The following VPS50 variants were observed in gnomAD, a reference collection of about 807,000 sequenced individuals.
VPS50 encodes the protein syndetin.
VPS50 carries 70 observed loss-of-function variants against 139.7 expected under a neutral mutation model. The observed-to-expected ratio is 0.50, with a 90% CI of 0.41 to 0.61. The LOEUF is 0.61. VPS50 is among the 20% of genes least tolerant of loss of function. The pLI, the probability that VPS50 is intolerant of heterozygous loss-of-function variation, is 0.00. For synonymous variants in VPS50, 365 were observed against 376.7 expected (o/e 0.97, Z 0.36); for missense variants, 921 against 1,133.7 (o/e 0.81, Z 2.69).
chr7:93,234,775 C>G (rs1476486121), intron 1 of VPS50, among the ~76,000 whole-genome samples: 1 of 151,900 alleles, frequency 6.6e-6, no homozygotes, highest in African/African-American at 2.4e-5. Flanking sequence ...TTTCAGCTGT[C>G]CTGGGATCTT....
At chr7:93,333,924 A>G in intron 21 of VPS50, 193 bp from the exon 22 acceptor site, 1 of 527,582 alleles carries the variant, frequency 1.9e-6, no homozygotes, top group South Asian at 2.2e-5. Flanking sequence ...AAATGCACAC[A>G]GGTAAATGTT....
chr7:93,327,504 G>T (rs897724135), intron 21 of VPS50, among the ~76,000 whole-genome samples: 6 of 152,104 alleles, frequency 3.9e-5, no homozygotes, highest in Admixed American at 3.3e-4. Context: ...GCAAAGTATA[G>T]TTAGGTACTT....
intron 23 of VPS50, among the ~76,000 whole-genome samples, chr7:93,345,494 T>C (rs1456342969): frequency 9.9e-5 from 15 of 152,232 alleles, no homozygotes; most frequent in Admixed American, 7.9e-4. Context: ...AGCATCATCC[T>C]GATACCAAAG....
intron 9 of VPS50, among the ~76,000 whole-genome samples, chr7:93,265,825 C>T (rs1474389126): frequency 2.0e-5 from 3 of 152,056 alleles, no homozygotes; most frequent in African/African-American, 7.2e-5. Flanking sequence ...CCTCAGCCTC[C>T]CAAAGTGCTG....
chr7:93,291,172 C>G (rs187757366), intron 12 of VPS50, among the ~76,000 whole-genome samples: 2 of 152,028 alleles, frequency 1.3e-5, no homozygotes, highest in African/African-American at 2.4e-5. Flanking sequence ...TGTTTCATAG[C>G]CTTGTTTATG....
At chr7:93,240,239 ACACACACACACTCT>A (rs1308069204) in intron 2 of VPS50, among the ~76,000 whole-genome samples, 2 of 146,338 alleles carry the variant, frequency 1.4e-5, no homozygotes, top group African/African-American at 2.6e-5. Context: ...ACACACACAC[ACACACACACACTCT>A]CTCTCTCTCT....
At chr7:93,341,794 A>C (rs1425864350) in intron 23 of VPS50, among the ~76,000 whole-genome samples, 1 of 152,244 alleles carries the variant, frequency 6.6e-6, no homozygotes, top group South Asian at 2.1e-4. Context: ...GAAATCTTTT[A>C]ATTTTCAGCC....
chr7:93,293,975 A>C (rs958978706), intron 13 of VPS50, among the ~76,000 whole-genome samples: 1 of 152,226 alleles, frequency 6.6e-6, no homozygotes, highest in African/African-American at 2.4e-5. Context: ...TCATCTTTTT[A>C]ATATAAATGT....
chr7:93,305,960 A>G lies in VPS50; in HGVS notation c.1585A>G (p.Asn529Asp), dbSNP rs200076275. 2 of 1,612,502 alleles carry G rather than the reference A, an allele frequency of 1.2e-6. No homozygotes were observed. Among genetic ancestry groups the G allele is most frequent in the African/African-American group, 1.3e-5 (1 of 74,956 alleles). The change falls in exon 18 of 28, where the codon AAC becomes GAC. Residue 529 changes from asparagine (N) to aspartate (D), a missense_variant. Physicochemically the swap from Asn to Asp is conservative, Grantham distance 23. Coordinates refer to ENST00000305866, the MANE Select transcript of VPS50 (RefSeq NM_017667.4). ...SGGNPFEIQA[N>D]HKDEETEDVL... ...TGGGAATCCATTTGAAATTCAGGCC[A>G]ACCACAAAGATGAAGAAACAGAAGA...
chr7:93,330,770 A>AAAC (rs1334228884), intron 21 of VPS50, among the ~76,000 whole-genome samples: 1 of 151,016 alleles, frequency 6.6e-6, no homozygotes, highest in Non-Finnish European at 1.5e-5. Context: ...TCAAAAAAAA[A>AAAC]AAAAAAAAAA....
At chr7:93,311,863 T>G (rs1268524605) in intron 20 of VPS50, among the ~76,000 whole-genome samples, 2 of 152,160 alleles carry the variant, frequency 1.3e-5, no homozygotes, top group African/African-American at 4.8e-5. Flanking sequence ...ACATCTTGTA[T>G]GCTTTTAGCC....
chr7:93,329,810 G>A (rs1405430548), intron 21 of VPS50, among the ~76,000 whole-genome samples: 1 of 152,020 alleles, frequency 6.6e-6, no homozygotes, highest in East Asian at 1.9e-4. Flanking sequence ...AACGTCATTC[G>A]AGAATGAAAG....
intron 16 of VPS50, among the ~76,000 whole-genome samples, chr7:93,302,434 C>T (rs1201756515): frequency 6.6e-6 from 1 of 151,618 alleles, no homozygotes; most frequent in Non-Finnish European, 1.5e-5. Context: ...TCAGCCACCT[C>T]TAGACTGCTG....
At chr7:93,348,926 G>A (rs1798479933) in intron 24 of VPS50, 119 bp downstream of exon 24, 2 of 644,420 alleles carry the variant, frequency 3.1e-6, no homozygotes, top group Admixed American at 5.6e-5. Context: ...AGGAGAGCCA[G>A]ATAAAATATT....
intron 14 of VPS50, among the ~76,000 whole-genome samples, chr7:93,296,062 G>A (rs1796801220): frequency 6.6e-6 from 1 of 152,082 alleles, no homozygotes. Context: ...GAAAAAAATT[G>A]TTTAGGAAAA....
At chr7:93,330,973 A>G (rs1797923318) in intron 21 of VPS50, among the ~76,000 whole-genome samples, 1 of 132,148 alleles carries the variant, frequency 7.6e-6, no homozygotes, top group African/African-American at 3.5e-5. Context: ...GTATACAAAA[A>G]TCAATAATAA....
intron 9 of VPS50, 71 bp from the exon 10 acceptor site, chr7:93,271,149 T>C: frequency 6.5e-7 from 1 of 1,533,856 alleles, no homozygotes; most frequent in Non-Finnish European, 8.7e-7. Context: ...AATTATTCAG[T>C]TAGTATGTAT....
intron 20 of VPS50, among the ~76,000 whole-genome samples, chr7:93,312,212 G>A (rs1342320696): frequency 2.6e-5 from 4 of 152,134 alleles, no homozygotes; most frequent in Admixed American, 6.6e-5. Flanking sequence ...TCAGAAAAAA[G>A]GATAGATTCT....
At chr7:93,245,893 A>T (rs1795137729) in intron 2 of VPS50, among the ~76,000 whole-genome samples, 1 of 151,840 alleles carries the variant, frequency 6.6e-6, no homozygotes, top group South Asian at 2.1e-4. Flanking sequence ...TTCATTATAA[A>T]CTTACGTGGC....
Sources: allele counts gnomAD v4.1 joint callset (sites outside exome capture counted in the v4.1 genomes callset), GRCh38; gene constraint gnomAD v4.1.1; transcripts MANE v1.5; gene names NCBI Gene and HGNC (gene_info 2026-07-23, HGNC 2026-07-21).